The following NFIB variants were observed in gnomAD, a reference collection of about 807,000 sequenced individuals.
The protein encoded by NFIB is nuclear factor I B.
NFIB carries 11 observed loss-of-function variants against 61.5 expected under a neutral mutation model. The observed-to-expected ratio is 0.18, with a 90% CI of 0.11 to 0.30. The LOEUF (loss-of-function observed/expected upper bound fraction) is 0.30. NFIB is among the 10% of genes least tolerant of loss of function. The pLI is 1.00. For synonymous variants in NFIB, 260 were observed against 216.5 expected, an observed-to-expected ratio of 1.20 and a Z score of -1.76; for missense variants, 471 against 608.9, an observed-to-expected ratio of 0.77 and a Z score of 2.38.
the NFIB span, among the ~76,000 whole-genome samples, chr9:14,481,078 C>A: frequency 1.3e-5 from 2 of 150,666 alleles, no homozygotes; most frequent in East Asian, 3.9e-4. Flanking sequence ...GTGTGCAAAG[C>A]AAGTAGGAAG....
intron 2 of NFIB, among the ~76,000 whole-genome samples, chr9:14,198,078 T>C (rs957706445): frequency 1.3e-5 from 2 of 152,222 alleles, no homozygotes; most frequent in Admixed American, 1.3e-4. Flanking sequence ...TAAGAATTAG[T>C]AGGTGGCTCA....
At chr9:14,353,436 G>A (rs1392035494) in intron 1 of NFIB, among the ~76,000 whole-genome samples, 2 of 152,118 alleles carry the variant, frequency 1.3e-5, no homozygotes, top group African/African-American at 4.8e-5. Context: ...GCAGAGCGGG[G>A]GAGCTCCTGG....
chr9:14,309,549 A>G (rs552967899), intron 1 of NFIB, among the ~76,000 whole-genome samples: 2 of 152,210 alleles, frequency 1.3e-5, no homozygotes, highest in African/African-American at 4.8e-5. Context: ...TTCAGTTACT[A>G]TGCGAGCACA....
the NFIB span, among the ~76,000 whole-genome samples, chr9:14,430,774 G>A: frequency 5.9e-5 from 9 of 152,074 alleles, no homozygotes; most frequent in African/African-American, 2.2e-4. Flanking sequence ...TAGAGAGGGG[G>A]TTTTGTCATT....
chr9:14,213,876 CT>C (rs1013396656), intron 2 of NFIB, among the ~76,000 whole-genome samples: 1 of 152,152 alleles, frequency 6.6e-6, no homozygotes, highest in African/African-American at 2.4e-5. Context: ...TTATCACATG[CT>C]TCCTTGCCTC....
At chr9:14,193,757 A>T (rs1026336199) in intron 2 of NFIB, among the ~76,000 whole-genome samples, 3 of 152,218 alleles carry the variant, frequency 2.0e-5, no homozygotes, top group African/African-American at 4.8e-5. Flanking sequence ...TGCAAACAGT[A>T]CCAATATACT....
chr9:14,531,672 A>T, the NFIB span, among the ~76,000 whole-genome samples: 1 of 135,362 alleles, frequency 7.4e-6, no homozygotes, highest in Non-Finnish European at 1.6e-5. Context: ...CGACTGTACC[A>T]TTTGCATTTT....
At chr9:14,521,228 A>G in the NFIB span, among the ~76,000 whole-genome samples, 1 of 152,204 alleles carries the variant, frequency 6.6e-6, no homozygotes, top group Non-Finnish European at 1.5e-5. Flanking sequence ...TTTCACAAAT[A>G]CCATTCGAAA....
chr9:14,425,212 G>T, the NFIB span, among the ~76,000 whole-genome samples: 3 of 152,174 alleles, frequency 2.0e-5, no homozygotes, highest in African/African-American at 7.2e-5. Flanking sequence ...CTTGCTTGAG[G>T]CCAGATAGGT....
chr9:14,183,082 C>T (rs1330309772), intron 2 of NFIB, among the ~76,000 whole-genome samples: 1 of 152,022 alleles, frequency 6.6e-6, no homozygotes, highest in Non-Finnish European at 1.5e-5. Flanking sequence ...TAACAACTAA[C>T]TTTTAGGAAG....
chr9:14,110,298 A>G (rs1404266475), intron 10 of NFIB, among the ~76,000 whole-genome samples: 1 of 152,094 alleles, frequency 6.6e-6, no homozygotes, highest in Non-Finnish European at 1.5e-5. Flanking sequence ...ACTACACATC[A>G]GTACTTTTCA....
intron 10 of NFIB, among the ~76,000 whole-genome samples, chr9:14,109,231 G>C (rs919990644): frequency 2.0e-5 from 3 of 152,000 alleles, no homozygotes; most frequent in Non-Finnish European, 4.4e-5. Flanking sequence ...TATTTCCTAA[G>C]CAACATCCAA....
chr9:14,133,830 T>C (rs941532555), intron 6 of NFIB, among the ~76,000 whole-genome samples: 1 of 152,152 alleles, frequency 6.6e-6, no homozygotes, highest in Non-Finnish European at 1.5e-5. Context: ...TCTAAGGATC[T>C]CCATGTAGAG....
At chr9:14,283,976 C>A (rs939002309) in intron 2 of NFIB, among the ~76,000 whole-genome samples, 3 of 152,108 alleles carry the variant, frequency 2.0e-5, no homozygotes, top group South Asian at 2.1e-4. Context: ...TAGCTTATAA[C>A]CCTTGGAGAT....
At chr9:14,509,840 T>C in the NFIB span, among the ~76,000 whole-genome samples, 1 of 152,188 alleles carries the variant, frequency 6.6e-6, no homozygotes, top group East Asian at 1.9e-4. Flanking sequence ...GGAGCATTTT[T>C]GAGAAAGCAG....
At chr9:14,283,411 T>C (rs995314009) in intron 2 of NFIB, among the ~76,000 whole-genome samples, 1 of 152,226 alleles carries the variant, frequency 6.6e-6, no homozygotes, top group African/African-American at 2.4e-5. Flanking sequence ...ATCCACTTTA[T>C]CTTGGGGATC....
intron 2 of NFIB, among the ~76,000 whole-genome samples, chr9:14,198,676 T>C (rs1039080336): frequency 4.6e-5 from 7 of 152,186 alleles, no homozygotes; most frequent in African/African-American, 1.2e-4. Context: ...CGTACAGCAA[T>C]GCTGGGGCCA....
the NFIB span, among the ~76,000 whole-genome samples, chr9:14,489,191 AAT>A: frequency 6.6e-6 from 1 of 152,312 alleles, no homozygotes; most frequent in South Asian, 2.1e-4. Context: ...TATCCTTGCA[AAT>A]TTACTGAAAA....
chr9:14,212,560 T>C (rs768839885), intron 2 of NFIB, among the ~76,000 whole-genome samples: 3 of 152,180 alleles, frequency 2.0e-5, no homozygotes, highest in East Asian at 1.9e-4. Flanking sequence ...ATTGTCCATA[T>C]TGTTTGAATG....
Sources: gnomAD v4.1 joint callset for allele counts (sites outside exome capture counted in the v4.1 genomes callset) on GRCh38, gnomAD v4.1.1 for gene constraint, MANE v1.5 for transcripts, NCBI Gene and HGNC (gene_info 2026-07-23, HGNC 2026-07-21) for gene names.